Variants in TRPM2 observed in about 807,000 individuals in gnomAD.
TRPM2 encodes the protein estrogen-responsive element-associated gene 1 protein.
TRPM2 carries 161 observed loss-of-function variants against 174.0 expected under a neutral mutation model. The observed-to-expected ratio is 0.93, with a 90% CI of 0.81 to 1.05. TRPM2 has a LOEUF of 1.05. Among genes scored for constraint, TRPM2 ranks in the 50% least tolerant of loss-of-function variants. TRPM2 has a pLI of 0.00. For synonymous variants in TRPM2, 954 were observed against 861.3 expected, an observed-to-expected ratio of 1.11 and a Z score of -1.88; for missense variants, 2,057 against 2,038.0, an observed-to-expected ratio of 1.01 and a Z score of -0.18.
chr21:44,351,337 G>A (rs2122996897), upstream of TRPM2, among the ~76,000 whole-genome samples: 31 of 152,382 alleles, frequency 2.0e-4, no homozygotes, highest in African/African-American at 7.0e-4. Flanking sequence ...CTGAAGGGTA[G>A]GGAATGCTGC....
At position 44,441,703 on chromosome 21, in the gene TRPM2, C is replaced by T. The variant is rs1461485465; in HGVS notation, c.4398C>T (p.Ala1466=). The change falls in exon 32 of 32, where the codon GCC becomes GCT. Residue 1466 remains alanine (A), a synonymous_variant. Transcript: ENST00000397928. ...ELNRLNSNLH[A]CDSGASIRWQ... is the part of the protein sequence containing the mutation. The stretch of plus-strand genomic sequence containing the variant: ...CCTTGTTCTTCCAGAACCTGCACGC[C>T]TGCGACTCGGGGGCCTCCATCCGAT... The T allele has an allele frequency of 6.2e-7, 1 of 1,610,840 alleles. No individual in the cohort carries two copies. Among genetic ancestry groups the T allele is most frequent in the South Asian group, 1.1e-5 (1 of 90,382 alleles).
intron 9 of TRPM2, among the ~76,000 whole-genome samples, chr21:44,388,130 A>G (rs995844428): frequency 1.3e-5 from 2 of 152,234 alleles, no homozygotes; most frequent in African/African-American, 4.8e-5. Flanking sequence ...ATTATCCACA[A>G]TAGCTAAAAA....
At chr21:44,409,869 G>T (rs1312549297) in intron 19 of TRPM2, among the ~76,000 whole-genome samples, 2 of 142,046 alleles carry the variant, frequency 1.4e-5, no homozygotes, top group Non-Finnish European at 3.1e-5. Context: ...CACTGTCTTG[G>T]CGTAGACTTG....
chr21:44,425,496 C>T (rs2050728997), intron 24 of TRPM2, 174 bp from the exon 25 acceptor site: 16 of 710,074 alleles, frequency 2.3e-5, no homozygotes, highest in Non-Finnish European at 2.9e-5. Flanking sequence ...GCTGTCCTCC[C>T]TGGGGGCCCT....
At chr21:44,407,466 T>G (rs946343595) in intron 19 of TRPM2, among the ~76,000 whole-genome samples, 1 of 147,976 alleles carries the variant, frequency 6.8e-6, no homozygotes, top group Non-Finnish European at 1.5e-5. Context: ...TTTTTTTTTT[T>G]TTTTTTTTTT....
At chr21:44,417,406 T>C (rs2050337813) in intron 20 of TRPM2, among the ~76,000 whole-genome samples, 1 of 97,244 alleles carries the variant, frequency 1.0e-5, no homozygotes, top group African/African-American at 4.2e-5. Flanking sequence ...CTGCTCTCTG[T>C]GGCATCACAG....
chr21:44,441,168 G>A (rs905504387), intron 31 of TRPM2, among the ~76,000 whole-genome samples: 2 of 152,210 alleles, frequency 1.3e-5, no homozygotes, highest in African/African-American at 2.4e-5. Context: ...GTCTTGCCCA[G>A]AAAGTGACAA....
At chr21:44,368,993 C>G (rs1904477389) in intron 4 of TRPM2, 184 bp from the exon 5 acceptor site, 2 of 574,324 alleles carry the variant, frequency 3.5e-6, no homozygotes, top group Non-Finnish European at 5.8e-6. Context: ...TGTTCCCACC[C>G]CACCTGAGCG....
At chr21:44,369,380 A>G (rs1297617919) in intron 5 of TRPM2, 37 bp downstream of exon 5, 2 of 1,579,712 alleles carry the variant, frequency 1.3e-6, no homozygotes, top group Non-Finnish European at 1.7e-6. Context: ...GCCTAAGACC[A>G]GGGGTGTGGG....
At chr21:44,411,900 T>C (rs977211338) in intron 19 of TRPM2, among the ~76,000 whole-genome samples, 1 of 152,224 alleles carries the variant, frequency 6.6e-6, no homozygotes, top group Non-Finnish European at 1.5e-5. Flanking sequence ...ATTCCATCAA[T>C]TGACCTTCGA....
intron 19 of TRPM2, among the ~76,000 whole-genome samples, chr21:44,408,608 C>T (rs1463476435): frequency 2.7e-5 from 4 of 150,504 alleles, no homozygotes; most frequent in African/African-American, 9.8e-5. Context: ...CTAACCTCGT[C>T]GTCTGTAAGT....
chr21:44,362,493 AC>A (rs1227037158), intron 2 of TRPM2, among the ~76,000 whole-genome samples: 1 of 151,548 alleles, frequency 6.6e-6, no homozygotes, highest in Non-Finnish European at 1.5e-5. Flanking sequence ...AGCCTGGGTG[AC>A]AGAGCGAGAT....
At position 44,418,482 on chromosome 21, in the gene TRPM2, G is replaced by A. The variant is rs1394013786; in HGVS notation, c.3388G>A (p.Glu1130Lys). The change falls in exon 22 of 32, where the codon GAG (glutamate) becomes AAG (lysine). Residue 1130 changes from glutamate to lysine, a missense_variant. By Grantham distance (56) the Glu-to-Lys change is moderately conservative. Transcript: ENST00000397928. ...GCTATCCTGGGAGATCTACCTGAAG[G>A]AGAACTACCTCCAGAACCGACAGTT... ...ALLSWEIYLKENYLQNRQFQQ... is the reference protein window; with the variant it reads ...ALLSWEIYLKKNYLQNRQFQQ... The A allele has an allele frequency of 6.2e-7, 1 of 1,614,106 alleles. No individual in the cohort carries two copies. The highest frequency in any genetic ancestry group is 1.7e-5 in the Admixed American group (1 of 60,016).
At position 44,417,993 on chromosome 21, in the gene TRPM2, C is replaced by A. The variant is rs755880099; in HGVS notation, c.3213C>A (p.Ile1071=). Reference sequence around the variant, plus strand: ...GGAAGTTCCAGCGCCATGACCTGATCGAGGAGTACCACGGCCGCCCCGCCG... The same window carrying A: ...GGAAGTTCCAGCGCCATGACCTGATAGAGGAGTACCACGGCCGCCCCGCCG... ...QIWKFQRHDL[I]EEYHGRPAAP... The change falls in exon 21 of 32, where the codon ATC becomes ATA. Residue 1071 remains isoleucine, a synonymous_variant. Coordinates refer to ENST00000397928, the MANE Select transcript of TRPM2 (RefSeq NM_003307.4). The A allele has an allele frequency of 8.4e-5, 136 of 1,612,898 alleles. No individual in the cohort carries two copies. Among genetic ancestry groups the A allele is most frequent in the Non-Finnish European group, 1.1e-4 (131 of 1,180,024 alleles).
rs1569082051 is a variant in TRPM2, at chr21:44,409,021, C to CTTTTATATTATTGAGTT, written c.2962+2256_2962+2257insTTTTATATTATTGAGTT. On this transcript the variant is annotated intron_variant, in intron 19 of 31. Coordinates refer to ENST00000397928, the MANE Select transcript of TRPM2 (RefSeq NM_003307.4). Reference sequence around the variant, plus strand: ...TGAGTTGTCTTTTATATTATTGAGTCGTAAGAGTTCTTTACGTAAGGATGC... The same window carrying CTTTTATATTATTGAGTT: ...TGAGTTGTCTTTTATATTATTGAGTCTTTTATATTATTGAGTTGTAAGAGTTCTTTACGTAAGGATGC... Among the ~76,000 whole-genome samples, 47 of 151,988 alleles carry CTTTTATATTATTGAGTT rather than the reference C, an allele frequency of 3.1e-4. 2 individuals carry two copies. In the South Asian group the frequency reaches 9.8e-3, roughly 32 times the overall value.
rs1162544125 is a variant in TRPM2 at position 44,399,925 on chromosome 21, C to T, written c.2209-334C>T. Among the ~76,000 whole-genome samples, 1 of 152,312 alleles carries T rather than the reference C, an allele frequency of 6.6e-6. No individual in the cohort carries two copies. The highest frequency in any genetic ancestry group is 1.9e-4 in the East Asian group (1 of 5,182). ...GCCGAGCTATTGCCAAGTCCATGAG[C>T]TCCCGTCATGTCCTGGGCTGTGCCA... On this transcript the variant is annotated intron_variant, in intron 14 of 31. Transcript: ENST00000397928. The surrounding 1 kb of genome is among the most constrained non-coding windows in gnomAD (Gnocchi z 4.6).
At chr21:44,369,527 C>T (rs550409645) in intron 5 of TRPM2, among the ~76,000 whole-genome samples, 184 bp downstream of exon 5, 171 of 65,350 alleles carry the variant, frequency 2.6e-3, no homozygotes, top group Non-Finnish European at 3.2e-3. Context: ...CCGGGTGCTG[C>T]GGGGAGCAGG....
At chr21:44,355,061 A>G (rs34894297) in intron 2 of TRPM2, among the ~76,000 whole-genome samples, 2,188 of 152,000 alleles carry the variant, frequency 0.014, 24 homozygotes, top group Non-Finnish European at 0.021. Context: ...TCTCATTTCC[A>G]CACCTGCCCC....
intron 22 of TRPM2, 147 bp from the exon 23 acceptor site, chr21:44,423,498 T>C (rs955749245): frequency 8.9e-5 from 61 of 681,912 alleles, no homozygotes; most frequent in Non-Finnish European, 1.4e-4. Flanking sequence ...GAGAAATGCA[T>C]GTTAGAAATA....
Sources: gnomAD v4.1 joint callset for allele counts (sites outside exome capture counted in the v4.1 genomes callset) on GRCh38, gnomAD v4.1.1 for gene constraint, Gnocchi (gnomAD v3.1) non-coding constraint, MANE v1.5 for transcripts, NCBI Gene and HGNC (gene_info 2026-07-23, HGNC 2026-07-21) for gene names.